Variants in SGMS1 observed in about 807,000 individuals in gnomAD.
SGMS1 encodes sphingomyelin synthase 1, also known as phosphatidylcholine:ceramide cholinephosphotransferase 1.
SGMS1 carries 13 observed loss-of-function variants against 46.2 expected under a neutral mutation model. That is an observed-to-expected ratio of 0.28 (90% confidence interval 0.18 to 0.45). SGMS1 has a LOEUF of 0.45. SGMS1 is among the 20% of genes least tolerant of loss of function. The pLI, the probability that SGMS1 is intolerant of heterozygous loss-of-function variation, is 1.00. For missense variants in SGMS1, 324 were observed against 519.9 expected, an observed-to-expected ratio of 0.62 and a Z score of 3.66; for synonymous variants, 203 against 187.8, an observed-to-expected ratio of 1.08 and a Z score of -0.66.
intron 6 of SGMS1, among the ~76,000 whole-genome samples, chr10:50,429,781 G>A (rs181675218): frequency 6.7e-6 from 1 of 150,370 alleles, no homozygotes; most frequent in Admixed American, 6.6e-5. Flanking sequence ...TTTATGTCCT[G>A]GTTAGTTTCT....
At chr10:50,619,439 C>CA (rs1400047137) in intron 1 of SGMS1, among the ~76,000 whole-genome samples, 1 of 152,160 alleles carries the variant, frequency 6.6e-6, no homozygotes, top group Non-Finnish European at 1.5e-5. Flanking sequence ...TTATGTAAAT[C>CA]AAAAACAAAC....
chr10:50,440,723 T>C (rs1028710185), intron 5 of SGMS1, among the ~76,000 whole-genome samples: 9 of 152,178 alleles, frequency 5.9e-5, no homozygotes, highest in African/African-American at 2.2e-4. Flanking sequence ...AATCCTCCCA[T>C]CTCAGCCTCC....
At chr10:50,359,011 C>A (rs1456267709) in intron 6 of SGMS1, among the ~76,000 whole-genome samples, 1 of 152,076 alleles carries the variant, frequency 6.6e-6, no homozygotes, top group African/African-American at 2.4e-5. Flanking sequence ...TTAAATTGTC[C>A]CTTATTTTAA....
At chr10:50,441,216 G>A (rs1224340019) in intron 5 of SGMS1, among the ~76,000 whole-genome samples, 1 of 152,218 alleles carries the variant, frequency 6.6e-6, no homozygotes, top group African/African-American at 2.4e-5. Flanking sequence ...AGTTAATTAT[G>A]TGAATAGCGA....
chr10:50,309,740 A>G (rs1460505230), intron 9 of SGMS1, among the ~76,000 whole-genome samples: 1 of 152,192 alleles, frequency 6.6e-6, no homozygotes, highest in African/African-American at 2.4e-5. Flanking sequence ...AGTGCCCTGA[A>G]GTGCATCTCT....
chr10:50,423,920 C>G (rs559221995), intron 6 of SGMS1, among the ~76,000 whole-genome samples: 21 of 152,178 alleles, frequency 1.4e-4, no homozygotes, highest in Non-Finnish European at 2.2e-4. Context: ...TACCGAGTAC[C>G]TACTAATGAC....
chr10:50,482,820 C>T (rs1330807206), intron 3 of SGMS1, among the ~76,000 whole-genome samples: 3 of 152,082 alleles, frequency 2.0e-5, no homozygotes, highest in Non-Finnish European at 2.9e-5. Flanking sequence ...ACACATCTCA[C>T]GTGCAAAGAT....
chr10:50,621,818 A>G (rs113764839), intron 1 of SGMS1, among the ~76,000 whole-genome samples: 238 of 152,374 alleles, frequency 1.6e-3, no homozygotes, highest in African/African-American at 5.2e-3. Context: ...CTGTTTTTAC[A>G]TATCACTGTC....
intron 6 of SGMS1, among the ~76,000 whole-genome samples, chr10:50,367,907 A>T (rs1355072083): frequency 1.3e-5 from 2 of 152,186 alleles, no homozygotes; most frequent in Non-Finnish European, 2.9e-5. Context: ...TTGTAAAGTG[A>T]CCACAGCTCT....
chr10:50,555,128 A>G (rs1838179828), intron 2 of SGMS1, among the ~76,000 whole-genome samples: 1 of 152,216 alleles, frequency 6.6e-6, no homozygotes, highest in Non-Finnish European at 1.5e-5. Flanking sequence ...AGCCTCAGCA[A>G]GAAAGAGGCC....
At chr10:50,569,941 G>A (rs536871162) in intron 2 of SGMS1, among the ~76,000 whole-genome samples, 3 of 152,194 alleles carry the variant, frequency 2.0e-5, no homozygotes, top group East Asian at 1.9e-4. Flanking sequence ...AGCAGGCCAC[G>A]GTGACAATAA....
At position 50,623,770 on chromosome 10, in the gene SGMS1, C is replaced by G; in HGVS notation, c.-747G>C. ...CGGAGCCCCCGCCGCGGAATGAAAT[C>G]CGGGGCAGGGCAGCGTCGGGGCTCC... On this transcript the variant is annotated 5_prime_UTR_variant, in exon 1 of 11. Transcript: ENST00000361781. 1.0e-6 allele frequency: 1 copy of G among 985,504 alleles called. No homozygotes were observed. Among genetic ancestry groups the G allele is most frequent in the Non-Finnish European group, 1.2e-6 (1 of 829,992 alleles). The allele number at this position is 985,504 out of a possible 1,614,324, so 61.0% of individuals were successfully genotyped here.
Position 50,383,102 on chromosome 10 carries a change from A to G in SGMS1, c.-231-38757T>C, listed in dbSNP as rs1367062618. Among the ~76,000 whole-genome samples, 7 of 152,312 alleles carry G rather than the reference A, an allele frequency of 4.6e-5. No homozygotes were observed. In the South Asian group the frequency reaches 6.2e-4, roughly 14 times the overall value. ...CTTTTAATTGAAAAGACTTTATAAG[A>G]TTATCAAATTATCTCGGCAAAAATT... On this transcript the variant is annotated intron_variant, in intron 6 of 10. Coordinates refer to ENST00000361781, the MANE Select transcript of SGMS1 (RefSeq NM_147156.4).
Position 50,623,694 on chromosome 10 carries a change from C to T in SGMS1, c.-684+13G>A, listed in dbSNP as rs576797712. ...CCGTGAGGCCGGCTGTCTGTCCCTG[C>T]CCCACGACTCACTTGCACTGGAGTC... On this transcript the variant is annotated intron_variant, in intron 1 of 10. Coordinates refer to ENST00000361781, the MANE Select transcript of SGMS1 (RefSeq NM_147156.4). 33 of 985,412 alleles carry T rather than the reference C, an allele frequency of 3.3e-5. No individual in the cohort carries two copies. The South Asian group carries it at 8.5e-4, about 25-fold the overall frequency. 61.0% of individuals were successfully genotyped at this position (985,412 alleles called of 1,614,324 possible).
At chr10:50,472,789 C>T (rs1459644945) in intron 3 of SGMS1, 2 of 152,124 alleles carry the variant, frequency 1.3e-5, no homozygotes, top group Admixed American at 6.6e-5. Context: ...TTCATTCCCA[C>T]CAAAAGTGCA....
chr10:50,331,812 A>G (rs1156624210), intron 7 of SGMS1, among the ~76,000 whole-genome samples: 2 of 122,568 alleles, frequency 1.6e-5, no homozygotes, highest in African/African-American at 2.9e-5. Flanking sequence ...AAAATAGACA[A>G]TAGAGGTGGG....
chr10:50,534,219 G>C (rs1837979931), intron 2 of SGMS1, among the ~76,000 whole-genome samples: 1 of 152,060 alleles, frequency 6.6e-6, no homozygotes, highest in African/African-American at 2.4e-5. Context: ...AAAGAGAGAG[G>C]AGACAGTCAA....
chr10:50,349,881 C>T (rs547486202), intron 6 of SGMS1, among the ~76,000 whole-genome samples: 8 of 152,260 alleles, frequency 5.3e-5, no homozygotes, highest in Non-Finnish European at 1.0e-4. Context: ...AGCATGAAAA[C>T]AAACTAATAC....
chr10:50,508,314 T>G (rs911875667), intron 3 of SGMS1, among the ~76,000 whole-genome samples: 1 of 152,200 alleles, frequency 6.6e-6, no homozygotes, highest in Non-Finnish European at 1.5e-5. Context: ...GGGGTCTCCA[T>G]GTCCTCATAG....
Sources: allele counts gnomAD v4.1 joint callset (sites outside exome capture counted in the v4.1 genomes callset), GRCh38; gene constraint gnomAD v4.1.1; transcripts MANE v1.5; gene names NCBI Gene and HGNC (gene_info 2026-07-23, HGNC 2026-07-21).